The following RAB12 variants were observed in gnomAD, a reference collection of about 807,000 sequenced individuals.
RAB12 encodes RAB12, member RAS oncogene family.
Under a neutral mutation model 28.4 loss-of-function variants are expected in RAB12, and 11 were observed. The ratio of observed to expected loss-of-function variants is 0.39; its 90% CI spans 0.24 to 0.64. RAB12 has a LOEUF of 0.64. RAB12 is among the 30% of genes least tolerant of loss of function. RAB12 has a pLI of 0.50. For missense variants in RAB12, 276 were observed against 351.1 expected, an observed-to-expected ratio of 0.79 and a Z score of 1.71; for synonymous variants, 138 against 145.3, an observed-to-expected ratio of 0.95 and a Z score of 0.36.
At chr18:8,633,046 G>T (rs2096016905) in intron 2 of RAB12, 143 bp from the exon 3 acceptor site, 7 of 920,758 alleles carry the variant, frequency 7.6e-6, no homozygotes, top group Non-Finnish European at 1.2e-5. Context: ...TTTAAGTGTG[G>T]TCATCAGGTC....
chr18:8,635,576 T>A lies in RAB12; in HGVS notation c.758T>A (p.Leu253Ter), dbSNP rs1478003433. The A allele has an allele frequency of 6.2e-7, 1 of 1,612,802 alleles. No individual in the cohort carries two copies. ...DAELLLVGNK[L>*]DCETDREITR... ...GAGCTTCTCTTAGTTGGAAATAAGT[T>A]GGACTGTGAAACGGACAGAGAAATC... The change falls in exon 4 of 6, where the codon TTG becomes TAG. Residue 253 changes from leucine to a stop codon, truncating the protein, a stop_gained. Coordinates refer to ENST00000649141, the MANE Select transcript of RAB12 (RefSeq NM_001025300.3). LOFTEE classifies it high-confidence loss of function.
At chr18:8,633,486 A>G (rs2148711411) in intron 3 of RAB12, among the ~76,000 whole-genome samples, 159 bp downstream of exon 3, 1 of 152,298 alleles carries the variant, frequency 6.6e-6, no homozygotes, top group African/African-American at 2.4e-5. Flanking sequence ...GTAGTCCTGT[A>G]TTGTGGATGA....
intron 3 of RAB12, among the ~76,000 whole-genome samples, chr18:8,633,609 G>C (rs1310395173): frequency 6.6e-6 from 1 of 152,132 alleles, no homozygotes; most frequent in Non-Finnish European, 1.5e-5. Flanking sequence ...TGCTTTCATG[G>C]AATAGATATA....
At chr18:8,625,895 T>C (rs2096012384) in intron 2 of RAB12, among the ~76,000 whole-genome samples, 3 of 152,206 alleles carry the variant, frequency 2.0e-5, no homozygotes, top group Non-Finnish European at 4.4e-5. Flanking sequence ...GGTCACCTAA[T>C]GCTTGAATGT....
intron 4 of RAB12, 95 bp downstream of exon 4, chr18:8,635,717 GA>G (rs1184165710): frequency 1.0e-5 from 8 of 764,782 alleles, no homozygotes; most frequent in Non-Finnish European, 1.6e-5. Flanking sequence ...AAATTACAAA[GA>G]AATTATCAAT....
Position 8,609,630 on chromosome 18 carries a change from C to A in RAB12, c.191C>A (p.Pro64Gln), listed in dbSNP as rs1485260571. The change falls in exon 1 of 6, where the codon CCG becomes CAG. Residue 64 changes from proline (P) to glutamine (Q), a missense_variant. Transcript: ENST00000649141. Reference sequence around the variant, plus strand: ...GAAGCCGAGCCCGGGGCCGACCCCCCGCGCGCGGCGGAGGCCGAGGGGGCG... The same window carrying A: ...GAAGCCGAGCCCGGGGCCGACCCCCAGCGCGCGGCGGAGGCCGAGGGGGCG... ...RAEAEPGADP[P>Q]RAAEAEGAPG... 2 of 538,852 alleles carry A rather than the reference C, an allele frequency of 3.7e-6. No individual in the cohort carries two copies. The highest frequency in any genetic ancestry group is 7.6e-5 in the South Asian group (1 of 13,168). The allele number at this position is 538,852 out of a possible 1,614,324, so 33.4% of individuals were successfully genotyped here. A position where few individuals can be genotyped will look rare whatever the true frequency, so the allele number is the denominator to read the frequency against.
At chr18:8,621,146 G>A (rs919045416) in intron 1 of RAB12, among the ~76,000 whole-genome samples, 3 of 152,134 alleles carry the variant, frequency 2.0e-5, no homozygotes, top group African/African-American at 7.2e-5. Context: ...TCCCTTGGTT[G>A]TTTGTAAACA....
intron 1 of RAB12, 34 bp from the exon 2 acceptor site, chr18:8,624,904 G>A: frequency 7.5e-7 from 1 of 1,341,200 alleles, no homozygotes; most frequent in Non-Finnish European, 1.1e-6. Flanking sequence ...CATCTTTGTT[G>A]TTTTTGCTTC....
At chr18:8,628,378 A>C (rs1403865745) in intron 2 of RAB12, among the ~76,000 whole-genome samples, 1 of 152,228 alleles carries the variant, frequency 6.6e-6, no homozygotes, top group Non-Finnish European at 1.5e-5. Context: ...TAAATCAAGC[A>C]AAGGCACTTT....
chr18:8,631,087 A>G (rs548177754), intron 2 of RAB12, among the ~76,000 whole-genome samples: 1 of 152,292 alleles, frequency 6.6e-6, no homozygotes, highest in African/African-American at 2.4e-5. Context: ...CGGGGGTTTC[A>G]CCATGTTGGC....
rs1279391555 is a variant in RAB12, at chr18:8,609,647, G to C, written c.208G>C (p.Glu70Gln). The change falls in exon 1 of 6, where the codon GAG becomes CAG. Residue 70 changes from glutamate to glutamine, a missense_variant. By Grantham distance (29) the Glu-to-Gln change is conservative. Around this residue, in one of 4 missense-constraint regions of RAB12, gnomAD observed 72 missense variants for 55.5 expected, o/e 1.30. Coordinates refer to ENST00000649141, the MANE Select transcript of RAB12 (RefSeq NM_001025300.3). ...GADPPRAAEAEGAPGPGARSR... is the reference protein window; with the variant it reads ...GADPPRAAEAQGAPGPGARSR... ...CGACCCCCCGCGCGCGGCGGAGGCC[G>C]AGGGGGCGCCGGGGCCCGGGGCGCG... 1.3e-6 allele frequency: 1 copy of C among 751,334 alleles called. No individual in the cohort carries two copies. The highest frequency in any genetic ancestry group is 5.7e-5 in the South Asian group (1 of 17,442). 46.5% of individuals were successfully genotyped at this position (751,334 alleles called of 1,614,324 possible). A position where few individuals can be genotyped will look rare whatever the true frequency, so the allele number is the denominator to read the frequency against.
At chr18:8,622,685 G>C (rs560020837) in intron 1 of RAB12, among the ~76,000 whole-genome samples, 1 of 152,334 alleles carries the variant, frequency 6.6e-6, no homozygotes, top group African/African-American at 2.4e-5. Flanking sequence ...ACAGGGTTTT[G>C]AGAGCAACCG....
chr18:8,612,921 C>T (rs1179447546), intron 1 of RAB12, among the ~76,000 whole-genome samples: 3 of 152,210 alleles, frequency 2.0e-5, no homozygotes, highest in Non-Finnish European at 4.4e-5. Flanking sequence ...TCCCAAAGTG[C>T]TCAGATTACA....
chr18:8,622,836 C>A (rs960845162), intron 1 of RAB12, among the ~76,000 whole-genome samples: 1 of 152,182 alleles, frequency 6.6e-6, no homozygotes, highest in Admixed American at 6.5e-5. Flanking sequence ...CCCCGTAGAC[C>A]TACCCCCAGG....
Position 8,625,498 on chromosome 18 carries a change from G to A in RAB12, c.575+500G>A, listed in dbSNP as rs1224201745. Among the ~76,000 whole-genome samples the A allele has an allele frequency of 3.9e-5, 6 of 152,116 alleles. No individual in the cohort carries two copies. The East Asian group carries it at 9.6e-4, about 24-fold the overall frequency. ...CTTCCGGCTGTACTGCTGATTCCAC[G>A]GGATGTGAGCCCCCACTAATGCCTA... On this transcript the variant is annotated intron_variant, in intron 2 of 5. Transcript: ENST00000649141.
intron 1 of RAB12, among the ~76,000 whole-genome samples, chr18:8,611,585 C>T (rs1226440543): frequency 6.6e-6 from 1 of 152,134 alleles, no homozygotes; most frequent in African/African-American, 2.4e-5. Flanking sequence ...GCTGCGAGAC[C>T]TTGACCGCCA....
At chr18:8,629,343 G>A (rs1243761102) in intron 2 of RAB12, among the ~76,000 whole-genome samples, 1 of 152,212 alleles carries the variant, frequency 6.6e-6, no homozygotes, top group African/African-American at 2.4e-5. Flanking sequence ...GACTATTAGT[G>A]TGGTCTTTAA....
intron 1 of RAB12, among the ~76,000 whole-genome samples, chr18:8,617,979 A>G (rs1355958940): frequency 6.6e-6 from 1 of 152,218 alleles, no homozygotes; most frequent in African/African-American, 2.4e-5. Flanking sequence ...AAAAGTTCTT[A>G]ATCTTTTCAT....
rs137892888 is a variant in RAB12, at chr18:8,617,591, C to G, written c.515-7347C>G. On this transcript the variant is annotated intron_variant, in intron 1 of 5. Transcript: ENST00000649141. The stretch of plus-strand genomic sequence containing the variant: ...AGGCCTCCTGGTGCAGGGATGGAGT[C>G]TGTCCCAGCCAACCAGCCATCCACC... Among the ~76,000 whole-genome samples, 1,169 of 152,214 alleles carry G rather than the reference C, an allele frequency of 7.7e-3. 19 individuals carry two copies. Among genetic ancestry groups the G allele is most frequent in the African/African-American group, 0.027 (1,130 of 41,528 alleles).
Sources: gnomAD v4.1 joint callset for allele counts (sites outside exome capture counted in the v4.1 genomes callset) on GRCh38, gnomAD v4.1.1 for gene constraint, gnomAD v4.1.1 regional missense constraint, MANE v1.5 for transcripts, NCBI Gene and HGNC (gene_info 2026-07-23, HGNC 2026-07-21) for gene names.